Variants in TXN observed in about 807,000 individuals in gnomAD.
TXN encodes the protein thioredoxin, also known as ADF.
In TXN, 10 loss-of-function variants were observed where a neutral mutation model predicts 16.5. That is an observed-to-expected ratio of 0.61 (90% CI 0.37 to 1.03). The LOEUF (loss-of-function observed/expected upper bound fraction) is 1.03, where lower values mean the gene tolerates loss of function less well. TXN is among the 50% of genes least tolerant of loss of function. The pLI is 0.01. For missense variants in TXN, 71 were observed against 122.5 expected (o/e 0.58, Z 1.98); for synonymous variants, 35 against 39.4 (o/e 0.89, Z 0.42).
chr9:110,248,724 A>T (rs74530095), intron 3 of TXN, among the ~76,000 whole-genome samples: 174 of 152,256 alleles, frequency 1.1e-3, no homozygotes, highest in Non-Finnish European at 2.1e-3. Flanking sequence ...TACCTGTTCA[A>T]TGAGGGTGCT....
At position 110,245,630 on chromosome 9, in the gene TXN, A is replaced by G. The variant is rs1311847991; in HGVS notation, c.190-787T>C. Among the ~76,000 whole-genome samples the G allele has an allele frequency of 8.0e-4, 15 of 18,760 alleles. 1 individual carries two copies. The highest frequency in any genetic ancestry group is 1.4e-3 in the Non-Finnish European group (15 of 10,420). 12.3% of individuals were successfully genotyped at this position (18,760 alleles called of 152,430 possible). On this transcript the variant is annotated intron_variant, in intron 3 of 4. Transcript: ENST00000374517. ...ACACACACACACACTATATATATAT[A>G]TATATATATATATATATATATATAT...
chr9:110,245,637 TATATATATA>T (rs1837642963), intron 3 of TXN, among the ~76,000 whole-genome samples: 1 of 28,240 alleles, frequency 3.5e-5, no homozygotes, highest in Non-Finnish European at 6.5e-5. Flanking sequence ...TATATATATA[TATATATATA>T]TATATATATT....
chr9:110,253,206 A>G (rs1331908306), intron 1 of TXN, among the ~76,000 whole-genome samples: 1 of 152,128 alleles, frequency 6.6e-6, no homozygotes, highest in Non-Finnish European at 1.5e-5. Flanking sequence ...ACTAATAGTT[A>G]CTTCTCTAGA....
chr9:110,244,785 C>T lies in TXN; in HGVS notation c.248G>A (p.Gly83Glu), dbSNP rs1369571092. Reference sequence around the variant, plus strand: ...AAGGTCAGATGTACGTACCTTTTGTCCCTTCTTAAAAAACTGGAATGTTGG... The same window carrying T: ...AAGGTCAGATGTACGTACCTTTTGTTCCTTCTTAAAAAACTGGAATGTTGG... Reference protein sequence around the residue: ...CMPTFQFFKKGQKVGEFSGAN... With the variant: ...CMPTFQFFKKEQKVGEFSGAN... The change falls in exon 4 of 5, where the codon GGA (glycine) becomes GAA (glutamate). Residue 83 changes from glycine (G) to glutamate (E), a missense_variant. Coordinates refer to ENST00000374517, the MANE Select transcript of TXN (RefSeq NM_003329.4). 1 of 1,612,456 alleles carries T rather than the reference C, an allele frequency of 6.2e-7. No homozygotes were observed. The highest frequency in any genetic ancestry group is 8.5e-7 in the Non-Finnish European group (1 of 1,178,930).
intron 3 of TXN, among the ~76,000 whole-genome samples, chr9:110,245,597 A>ATG (rs1378914169): frequency 5.2e-5 from 4 of 77,404 alleles, no homozygotes; most frequent in African/African-American, 1.9e-4. Flanking sequence ...GTGTGTGTAT[A>ATG]TATATACACA....
At chr9:110,246,734 A>C (rs1205568620) in intron 3 of TXN, among the ~76,000 whole-genome samples, 1 of 152,178 alleles carries the variant, frequency 6.6e-6, no homozygotes, top group African/African-American at 2.4e-5. Context: ...TTTTCTTTTA[A>C]TGCTGGACAC....
chr9:110,244,337 G>GTATATATATACATATACATATGTATATA (rs1837621496), intron 4 of TXN, 118 bp from the exon 5 acceptor site: 2 of 169,214 alleles, frequency 1.2e-5, no homozygotes, highest in African/African-American at 7.0e-5. Flanking sequence ...ATATACATAT[G>GTATATATATACATATACATATGTATATA]TATAAATATG....
intron 2 of TXN, 149 bp from the exon 3 acceptor site, chr9:110,251,028 A>T (rs1837726720): frequency 1.5e-6 from 1 of 649,636 alleles, no homozygotes; most frequent in Admixed American, 3.3e-5. Flanking sequence ...GATCTAAGAG[A>T]CATAAATTTT....
intron 4 of TXN, 71 bp from the exon 5 acceptor site, chr9:110,244,290 A>T: frequency 2.3e-6 from 1 of 441,950 alleles, no homozygotes; most frequent in South Asian, 4.9e-5. Context: ...AATATGTATA[A>T]ATATGTATTT....
At chr9:110,246,331 C>T (rs1837659985) in intron 3 of TXN, among the ~76,000 whole-genome samples, 1 of 152,154 alleles carries the variant, frequency 6.6e-6, no homozygotes, top group African/African-American at 2.4e-5. Flanking sequence ...TTCTACAGCT[C>T]AAAGGTAATT....
rs757790176 is a variant in TXN at position 110,256,468 on chromosome 9, G to A, written c.-33C>T. 26 of 1,600,070 alleles carry A rather than the reference G, an allele frequency of 1.6e-5. No homozygotes were observed. The highest frequency in any genetic ancestry group is 2.2e-5 in the Non-Finnish European group (26 of 1,173,514). On this transcript the variant is annotated 5_prime_UTR_variant, in exon 1 of 5. Transcript: ENST00000374517. This position sits in a 1 kb window ranked among gnomAD's most constrained non-coding sequence, Gnocchi z 4.2. ...GCTGGAGTCTGACGAGCGGCTGTAA[G>A]GACCGATGGAAATGGATCCAAAGCA...
intron 4 of TXN, 60 bp downstream of exon 4, chr9:110,244,718 A>G: frequency 7.2e-7 from 1 of 1,393,360 alleles, no homozygotes; most frequent in Non-Finnish European, 1.0e-6. Context: ...CCAGTGATTT[A>G]TTCACTTATA....
intron 3 of TXN, among the ~76,000 whole-genome samples, chr9:110,245,572 G>C: frequency 8.6e-6 from 1 of 116,384 alleles, no homozygotes; most frequent in African/African-American, 3.3e-5. Context: ...ACCACACCTG[G>C]CTAATTTTGT....
At chr9:110,245,408 GATT>G (rs1275571809) in intron 3 of TXN, among the ~76,000 whole-genome samples, 2 of 150,918 alleles carry the variant, frequency 1.3e-5, no homozygotes, top group East Asian at 2.0e-4. Flanking sequence ...TGGGTTTACT[GATT>G]ATTATTATTT....
chr9:110,246,777 AG>A (rs1837665390), intron 3 of TXN, among the ~76,000 whole-genome samples: 1 of 152,198 alleles, frequency 6.6e-6, no homozygotes, highest in Non-Finnish European at 1.5e-5. Context: ...TTCCAGTAAG[AG>A]GCACAAGGAC....
At chr9:110,245,654 A>ATATATATATATATATATTT (rs1232332404) in intron 3 of TXN, among the ~76,000 whole-genome samples, 1 of 21,772 alleles carries the variant, frequency 4.6e-5, no homozygotes, top group Non-Finnish European at 7.5e-5. Context: ...ATATATATAT[A>ATATATATATATATATATTT]TTTTTTTTTT....
chr9:110,244,876 A>G lies in TXN; in HGVS notation c.190-33T>C. The G allele has an allele frequency of 1.3e-6, 2 of 1,571,820 alleles. 1 individual carries two copies. Among genetic ancestry groups the G allele is most frequent in the South Asian group, 2.2e-5 (2 of 90,114 alleles). On this transcript the variant is annotated intron_variant, in intron 3 of 4. Transcript: ENST00000374517. ...GGAAAGTAGCAAAGGGAGAGGATTAAATACAAGACTGCGAGTACTGAGCTT... is the reference window on the plus strand; with the variant it reads ...GGAAAGTAGCAAAGGGAGAGGATTAGATACAAGACTGCGAGTACTGAGCTT...
intron 3 of TXN, among the ~76,000 whole-genome samples, chr9:110,245,648 ATATATATTTT>A (rs1253093038): frequency 4.2e-5 from 1 of 23,530 alleles, no homozygotes; most frequent in East Asian, 1.3e-3. Context: ...ATATATATAT[ATATATATTTT>A]TTTTTTTTTT....
At chr9:110,245,882 C>T (rs950031760) in intron 3 of TXN, among the ~76,000 whole-genome samples, 6 of 151,170 alleles carry the variant, frequency 4.0e-5, no homozygotes, top group African/African-American at 7.3e-5. Context: ...CTGGCTAACA[C>T]GGAGAAACCC....
Sources: gnomAD v4.1 joint callset for allele counts (sites outside exome capture counted in the v4.1 genomes callset) on GRCh38, gnomAD v4.1.1 for gene constraint, Gnocchi (gnomAD v3.1) non-coding constraint, MANE v1.5 for transcripts, NCBI Gene and HGNC (gene_info 2026-07-23, HGNC 2026-07-21) for gene names.